The following VSIG4 variants were observed in gnomAD, a reference collection of about 807,000 sequenced individuals.
The protein encoded by VSIG4 is V-set and immunoglobulin domain-containing protein 4.
A neutral mutation model predicts 23.4 loss-of-function variants in VSIG4; 34 were observed. The ratio of observed to expected loss-of-function variants is 1.45; its 90% CI spans 1.10 to 1.93. VSIG4 has a LOEUF of 1.93. Ranked by LOEUF, VSIG4 falls within the 30% of genes most tolerant of loss-of-function variation. The pLI is 0.00. For missense variants in VSIG4, 433 were observed against 310.8 expected (o/e 1.39, Z -2.96); for synonymous variants, 169 against 120.3 (o/e 1.41, Z -2.65).
chrX:66,022,883 A>C, intron 6 of VSIG4, 21 bp from the exon 7 acceptor site: 1 of 1,209,879 alleles, frequency 8.3e-7, no homozygotes, highest in Non-Finnish European at 1.1e-6. Context: ...AGGAGGAATC[A>C]TGTCAGAAGT....
chrX:66,039,206 G>A (rs2085655239), intron 1 of VSIG4, among the ~76,000 whole-genome samples: 1 of 112,115 alleles, frequency 8.9e-6, no homozygotes, highest in Non-Finnish European at 1.9e-5. Flanking sequence ...AAAAGCTGGG[G>A]CTGTTCAGCT....
intron 3 of VSIG4, among the ~76,000 whole-genome samples, chrX:66,029,684 G>A (rs1031680080): frequency 6.3e-5 from 7 of 111,660 alleles, no homozygotes; most frequent in Non-Finnish European, 1.1e-4. Flanking sequence ...TTCAGTAGGT[G>A]AATTCACAGC....
intron 1 of VSIG4, among the ~76,000 whole-genome samples, chrX:66,035,732 C>T (rs1001679882): frequency 8.0e-5 from 9 of 112,232 alleles, no homozygotes; most frequent in African/African-American, 2.6e-4. Flanking sequence ...TGAAAACTAT[C>T]TGAGCCTCTT....
chrX:66,023,192 G>T (rs1057491532), intron 6 of VSIG4, among the ~76,000 whole-genome samples: 4 of 110,540 alleles, frequency 3.6e-5, no homozygotes, highest in African/African-American at 1.3e-4. Context: ...CTCCCCCAAG[G>T]ATCCCCAGAG....
At chrX:66,023,261 C>G (rs1295166171) in intron 6 of VSIG4, among the ~76,000 whole-genome samples, 2 of 110,445 alleles carry the variant, frequency 1.8e-5, no homozygotes, top group African/African-American at 6.6e-5. Flanking sequence ...ACTGGATTAG[C>G]CTGATGCTGA....
chrX:66,036,139 T>C lies in VSIG4; in HGVS notation c.56-2309A>G, dbSNP rs184857458. Among the ~76,000 whole-genome samples, 811 of 111,044 alleles carry C rather than the reference T, an allele frequency of 7.3e-3. 8 individuals are homozygous for C. Among genetic ancestry groups the C allele is most frequent in the African/African-American group, 0.024 (735 of 30,571 alleles). On this transcript the variant is annotated intron_variant, in intron 1 of 7. Coordinates refer to ENST00000374737, the MANE Select transcript of VSIG4 (RefSeq NM_007268.3). ...GTTTTTTCCCCTTTTACTTTTTTTT[T>C]CCTCTCCCTTCTTCCTCCTTTATTT...
At position 66,022,405 on chromosome X, in the gene VSIG4, A is replaced by G; in HGVS notation, c.1058T>C (p.Leu353Pro). ...GGGCTCATCAGAGTAGTTGTTGCCC[A>G]GATTCTGGGAAGTTGGCTCATCACT... The part of the protein sequence containing the change: ...CSSDEPTSQN[L>P]GNNYSDEPCI... The change falls in exon 8 of 8, where the codon CTG (leucine) becomes CCG (proline). Residue 353 changes from leucine (L) to proline (P), a missense_variant. Physicochemically the swap from Leu to Pro is moderately conservative, Grantham distance 98. Transcript: ENST00000374737. 1 of 1,212,102 alleles carries G rather than the reference A, an allele frequency of 8.3e-7. No individual in the cohort carries two copies. The highest frequency in any genetic ancestry group is 1.1e-6 in the Non-Finnish European group (1 of 895,610).
Position 66,022,021 on chromosome X carries a change from G to A in VSIG4, c.*242C>T, listed in dbSNP as rs779131514. The A allele has an allele frequency of 6.1e-4, 681 of 1,122,866 alleles. 7 individuals carry two copies. The South Asian group carries it at 0.012, about 20-fold the overall frequency. The allele number at this position is 1,122,866 out of a possible 1,213,427, so 92.5% of individuals were successfully genotyped here. A position where few individuals can be genotyped will look rare whatever the true frequency, so the allele number is the denominator to read the frequency against. ...GGGCATCTTCCCTCTGGTATTTAGAGAGGAGTACCAGAAGCCCCCGGCAGA... is the reference window on the plus strand; with the variant it reads ...GGGCATCTTCCCTCTGGTATTTAGAAAGGAGTACCAGAAGCCCCCGGCAGA... On this transcript the variant is annotated 3_prime_UTR_variant, in exon 8 of 8. Coordinates refer to ENST00000374737, the MANE Select transcript of VSIG4 (RefSeq NM_007268.3).
intron 3 of VSIG4, among the ~76,000 whole-genome samples, chrX:66,029,295 A>C (rs2085437178): frequency 9.0e-6 from 1 of 111,680 alleles, no homozygotes; most frequent in African/African-American, 3.3e-5. Flanking sequence ...AAGGAAGCAA[A>C]AATTGTTCAG....
At position 66,022,418 on chromosome X, in the gene VSIG4, T is replaced by G; in HGVS notation, c.1045A>C (p.Thr349Pro). ...TAGTTGTTGCCCAGATTCTGGGAAG[T>G]TGGCTCATCACTGGAGCAGCCACTT... ...FASGCSSDEP[T>P]SQNLGNNYSD... is the part of the protein sequence containing the mutation. Residue 349 changes from threonine to proline, a missense_variant, in exon 8 of 8, where the codon ACT (threonine) becomes CCT (proline). Coordinates refer to ENST00000374737, the MANE Select transcript of VSIG4 (RefSeq NM_007268.3). 1 of 1,212,109 alleles carries G rather than the reference T, an allele frequency of 8.3e-7. No homozygotes were observed. Among genetic ancestry groups the G allele is most frequent in the Non-Finnish European group, 1.1e-6 (1 of 895,575 alleles).
intron 5 of VSIG4, among the ~76,000 whole-genome samples, chrX:66,025,906 A>G (rs2085384926): frequency 2.7e-5 from 3 of 112,483 alleles, no homozygotes; most frequent in African/African-American, 6.5e-5. Context: ...CAAAGGGAAC[A>G]TAGCCTTGCT....
At chrX:66,030,892 T>A (rs2085456434) in intron 3 of VSIG4, among the ~76,000 whole-genome samples, 1 of 110,269 alleles carries the variant, frequency 9.1e-6, no homozygotes, top group African/African-American at 3.3e-5. Flanking sequence ...GCCTCCAGAG[T>A]CATTCTAGAA....
At chrX:66,023,166 C>T (rs779920457) in intron 6 of VSIG4, among the ~76,000 whole-genome samples, 1 of 110,643 alleles carries the variant, frequency 9.0e-6, no homozygotes, top group Admixed American at 9.5e-5. Flanking sequence ...ACTGGACTTG[C>T]TCTTTACCCA....
At chrX:66,033,858 C>T in intron 1 of VSIG4, 28 bp from the exon 2 acceptor site, 1 of 1,137,677 alleles carries the variant, frequency 8.8e-7, no homozygotes, top group Non-Finnish European at 1.2e-6. Flanking sequence ...AGGAAAGAAG[C>T]AAACGTAGAT....
intron 3 of VSIG4, among the ~76,000 whole-genome samples, chrX:66,029,497 T>A (rs1056191517): frequency 3.6e-5 from 4 of 111,660 alleles, no homozygotes; most frequent in African/African-American, 1.3e-4. Context: ...ACTCTTGAAT[T>A]TTATAATCTA....
rs2085494300 is a variant in VSIG4 at position 66,033,721 on chromosome X, C to T, written c.165G>A (p.Lys55=). 2 of 1,211,742 alleles carry T rather than the reference C, an allele frequency of 1.7e-6. No individual in the cohort carries two copies. Among genetic ancestry groups the T allele is most frequent in the Non-Finnish European group, 2.2e-6 (2 of 895,437 alleles). Residue 55 remains lysine, a synonymous_variant, in exon 2 of 8, where the codon AAG becomes AAA. Coordinates refer to ENST00000374737, the MANE Select transcript of VSIG4 (RefSeq NM_007268.3). ...GGTCTGAGCCACGTTGTACCAGCCA[C>T]TTCACCAAGACTTGGGTGTAGCCTT... The part of the protein sequence containing the change: ...PLQGYTQVLV[K]WLVQRGSDPV...
intron 1 of VSIG4, among the ~76,000 whole-genome samples, chrX:66,037,780 A>C (rs759007875): frequency 9.6e-6 from 1 of 104,474 alleles, no homozygotes; most frequent in Non-Finnish European, 1.9e-5. Flanking sequence ...ATTGCTGATA[A>C]GTATATATAC....
intron 5 of VSIG4, among the ~76,000 whole-genome samples, chrX:66,025,389 T>C (rs751297283): frequency 8.9e-6 from 1 of 111,945 alleles, no homozygotes; most frequent in South Asian, 3.7e-4. Flanking sequence ...CTATGCTTTC[T>C]ATAGGGCCAA....
At chrX:66,024,331 A>T (rs1325125094) in intron 6 of VSIG4, among the ~76,000 whole-genome samples, 1 of 112,165 alleles carries the variant, frequency 8.9e-6, no homozygotes, top group East Asian at 2.8e-4. Flanking sequence ...AGGCCTAGTG[A>T]AGAAAGTCCA....
Sources: allele counts gnomAD v4.1 joint callset (sites outside exome capture counted in the v4.1 genomes callset), GRCh38; gene constraint gnomAD v4.1.1; transcripts MANE v1.5; gene names NCBI Gene and HGNC (gene_info 2026-07-23, HGNC 2026-07-21).